CDH12: variants seen among roughly 807,000 people sequenced by gnomAD.
CDH12 encodes cadherin 12.
In CDH12, 41 loss-of-function variants were observed where a neutral mutation model predicts 74.1. The observed-to-expected ratio is 0.55, with a 90% CI of 0.43 to 0.72. CDH12 has a LOEUF of 0.72. CDH12 is among the 30% of genes least tolerant of loss of function. The pLI is 0.00. For synonymous variants in CDH12, 399 were observed against 355.0 expected, an observed-to-expected ratio of 1.12 and a Z score of -1.39; for missense variants, 945 against 977.2, an observed-to-expected ratio of 0.97 and a Z score of 0.44.
chr5:21,885,270 T>G (rs1167585930), intron 6 of CDH12, among the ~76,000 whole-genome samples: 1 of 152,196 alleles, frequency 6.6e-6, no homozygotes, highest in Non-Finnish European at 1.5e-5. Flanking sequence ...TATCTATATT[T>G]TACAGGTGAG....
chr5:22,347,952 C>T (rs896147365), intron 3 of CDH12, among the ~76,000 whole-genome samples: 2 of 152,114 alleles, frequency 1.3e-5, no homozygotes, highest in African/African-American at 4.8e-5. Flanking sequence ...TAACAAGAGG[C>T]CATGGGGTTA....
At chr5:22,388,193 A>AT (rs1416780654) in intron 3 of CDH12, among the ~76,000 whole-genome samples, 5 of 152,152 alleles carry the variant, frequency 3.3e-5, no homozygotes, top group African/African-American at 4.8e-5. Flanking sequence ...TGGATGGGAT[A>AT]TAGGATATGT....
intron 1 of CDH12, among the ~76,000 whole-genome samples, chr5:22,732,873 C>T (rs1744504365): frequency 6.6e-6 from 1 of 151,856 alleles, no homozygotes; most frequent in Non-Finnish European, 1.5e-5. Flanking sequence ...TGCTCTAAGC[C>T]ACCCAGTTTG....
chr5:22,078,733 G>C lies in CDH12; in HGVS notation c.-57C>G. On this transcript the variant is annotated 5_prime_UTR_variant, in exon 5 of 15. Transcript: ENST00000382254. Reference sequence around the variant, plus strand: ...AAACTCCAACACTTAACGTAGAATTGTGGAATCCAGGTTTGAGGTGTCTGT... The same window carrying C: ...AAACTCCAACACTTAACGTAGAATTCTGGAATCCAGGTTTGAGGTGTCTGT... The C allele has an allele frequency of 6.3e-7, 1 of 1,585,854 alleles. No individual in the cohort carries two copies. The highest frequency in any genetic ancestry group is 8.6e-7 in the Non-Finnish European group (1 of 1,165,238).
intron 2 of CDH12, among the ~76,000 whole-genome samples, chr5:22,459,210 TTTTA>T (rs1473832762): frequency 9.2e-5 from 14 of 152,208 alleles, no homozygotes; most frequent in South Asian, 4.2e-4. Context: ...AAGTTCCAAC[TTTTA>T]TTTGTTTGCT....
intron 1 of CDH12, among the ~76,000 whole-genome samples, chr5:22,510,481 T>C (rs904083924): frequency 1.3e-5 from 2 of 152,070 alleles, no homozygotes; most frequent in Non-Finnish European, 2.9e-5. Context: ...TTTAAATAAG[T>C]GGAATAGGAA....
At chr5:22,806,492 A>T (rs1020234360) in intron 1 of CDH12, among the ~76,000 whole-genome samples, 7 of 151,608 alleles carry the variant, frequency 4.6e-5, no homozygotes, top group Non-Finnish European at 1.0e-4. Flanking sequence ...AGCTGGGACT[A>T]CAGGCGCCCG....
chr5:21,826,258 T>A (rs1031706480), intron 8 of CDH12, among the ~76,000 whole-genome samples: 1 of 152,184 alleles, frequency 6.6e-6, no homozygotes, highest in Non-Finnish European at 1.5e-5. Context: ...CCAAGGTGTC[T>A]CAGTTTTGAC....
intron 3 of CDH12, among the ~76,000 whole-genome samples, chr5:22,307,058 G>T (rs1307830406): frequency 6.6e-6 from 1 of 152,092 alleles, no homozygotes; most frequent in Non-Finnish European, 1.5e-5. Flanking sequence ...ATAGCTCTAT[G>T]GGGTAAAGCT....
intron 5 of CDH12, among the ~76,000 whole-genome samples, chr5:22,021,836 ATTAT>A (rs984348090): frequency 6.6e-6 from 1 of 152,044 alleles, no homozygotes; most frequent in Non-Finnish European, 1.5e-5. Flanking sequence ...GGCTGTCCAC[ATTAT>A]TTATTTATTT....
At chr5:22,056,085 A>G (rs1740723628) in intron 5 of CDH12, among the ~76,000 whole-genome samples, 1 of 152,130 alleles carries the variant, frequency 6.6e-6, no homozygotes, top group South Asian at 2.1e-4. Flanking sequence ...TATTGTAATG[A>G]ACATAAATAA....
intron 4 of CDH12, among the ~76,000 whole-genome samples, chr5:22,109,705 A>G (rs961180559): frequency 1.3e-5 from 2 of 152,216 alleles, no homozygotes; most frequent in East Asian, 1.9e-4. Flanking sequence ...CACAAAAAGT[A>G]TATTTTATTT....
At chr5:22,518,313 T>C (rs1384292527) in intron 1 of CDH12, among the ~76,000 whole-genome samples, 3 of 152,220 alleles carry the variant, frequency 2.0e-5, no homozygotes, top group South Asian at 2.1e-4. Context: ...ACAAGGAAAA[T>C]GTAGCAGAAG....
At chr5:22,604,424 A>C (rs1736998211) in intron 1 of CDH12, among the ~76,000 whole-genome samples, 1 of 152,166 alleles carries the variant, frequency 6.6e-6, no homozygotes, top group African/African-American at 2.4e-5. Context: ...GCTACAGAGA[A>C]TCTTGACCTT....
intron 1 of CDH12, among the ~76,000 whole-genome samples, chr5:22,815,627 G>A (rs28468579): frequency 0.025 from 3,740 of 151,454 alleles, 153 homozygotes; most frequent in African/African-American, 0.087. Context: ...AAAATTAGCC[G>A]GGCATGGTGG....
intron 4 of CDH12, among the ~76,000 whole-genome samples, chr5:22,112,330 T>G (rs1183205832): frequency 6.6e-6 from 1 of 152,116 alleles, no homozygotes; most frequent in Non-Finnish European, 1.5e-5. Context: ...AACATATTTT[T>G]CTTGTTTTTT....
intron 1 of CDH12, among the ~76,000 whole-genome samples, chr5:22,626,329 C>T (rs1738295786): frequency 1.3e-5 from 2 of 152,186 alleles, no homozygotes; most frequent in South Asian, 4.1e-4. Flanking sequence ...AGCATTTTGG[C>T]CAGCACACCT....
chr5:22,247,537 T>C (rs554181604), intron 3 of CDH12, among the ~76,000 whole-genome samples: 1 of 152,176 alleles, frequency 6.6e-6, no homozygotes, highest in Admixed American at 6.5e-5. Flanking sequence ...TAACTGGGCA[T>C]GGTGGCGCGT....
At chr5:22,623,374 G>A (rs1738084505) in intron 1 of CDH12, among the ~76,000 whole-genome samples, 1 of 152,282 alleles carries the variant, frequency 6.6e-6, no homozygotes, top group East Asian at 1.9e-4. Flanking sequence ...AAGTCAAATT[G>A]TCCCTGTTTG....
Sources: allele counts gnomAD v4.1 joint callset (sites outside exome capture counted in the v4.1 genomes callset), GRCh38; gene constraint gnomAD v4.1.1; transcripts MANE v1.5; gene names NCBI Gene and HGNC (gene_info 2026-07-23, HGNC 2026-07-21).